RNF217: variants seen among roughly 807,000 people sequenced by gnomAD.
The protein encoded by RNF217 is ring finger protein 217, also known as E3 ubiquitin-protein ligase RNF217.
RNF217 carries 31 observed loss-of-function variants against 57.8 expected under a neutral mutation model. The ratio of observed to expected loss-of-function variants is 0.54; its 90% CI spans 0.40 to 0.72. RNF217 has a LOEUF of 0.72. Among genes scored for constraint, RNF217 ranks in the 30% least tolerant of loss-of-function variants. The pLI is 0.00. For missense variants in RNF217, 696 were observed against 708.3 expected (o/e 0.98, Z 0.20); for synonymous variants, 313 against 294.0 (o/e 1.06, Z -0.66).
intron 1 of RNF217, among the ~76,000 whole-genome samples, chr6:125,016,434 T>A (rs1484029107): frequency 6.6e-6 from 1 of 152,188 alleles, no homozygotes; most frequent in Non-Finnish European, 1.5e-5. Flanking sequence ...ATGAAATCAA[T>A]GTAATGGGTC....
intron 1 of RNF217, among the ~76,000 whole-genome samples, chr6:124,990,304 A>G (rs916906715): frequency 6.6e-6 from 1 of 151,986 alleles, no homozygotes; most frequent in African/African-American, 2.4e-5. Flanking sequence ...TATCTTATCC[A>G]ATTTCTGGTA....
rs566138609 is a variant in RNF217, at chr6:125,083,708, A to G, written c.*771A>G. 5 of 152,184 alleles carry G rather than the reference A, an allele frequency of 3.3e-5. No individual in the cohort carries two copies. Among genetic ancestry groups the G allele is most frequent in the Admixed American group, 2.6e-4 (4 of 15,262 alleles). 9.4% of individuals were successfully genotyped at this position (152,184 alleles called of 1,614,324 possible). On this transcript the variant is annotated 3_prime_UTR_variant, in exon 6 of 6. Coordinates refer to ENST00000521654, the MANE Select transcript of RNF217 (RefSeq NM_001286398.3). The stretch of plus-strand genomic sequence containing the variant: ...TTAGCAATGTATTAAATTAAAGTCA[A>G]TGTAGACAACAGGCCATTTCGATAC...
chr6:125,014,729 A>G (rs1199855358), intron 1 of RNF217, among the ~76,000 whole-genome samples: 2 of 152,184 alleles, frequency 1.3e-5, no homozygotes, highest in African/African-American at 4.8e-5. Flanking sequence ...TCATTCATTT[A>G]CCTGGGATAC....
chr6:125,013,210 G>T (rs961383918), intron 1 of RNF217, among the ~76,000 whole-genome samples: 1 of 152,020 alleles, frequency 6.6e-6, no homozygotes, highest in African/African-American at 2.4e-5. Context: ...TTATAATTTA[G>T]TGAGAAGAAA....
At chr6:125,053,151 G>A (rs750429258) in intron 2 of RNF217, among the ~76,000 whole-genome samples, 15 of 152,048 alleles carry the variant, frequency 9.9e-5, no homozygotes, top group East Asian at 3.9e-4. Context: ...CTCTCTGAAC[G>A]CTTATGTTCC....
At chr6:124,979,664 C>CCTTTATAAT (rs1784086389) in intron 1 of RNF217, among the ~76,000 whole-genome samples, 1 of 149,430 alleles carries the variant, frequency 6.7e-6, no homozygotes, top group African/African-American at 2.4e-5. Context: ...GTAATAGGGT[C>CCTTTATAAT]AGATAGTATA....
At chr6:125,015,393 G>A (rs1353262462) in intron 1 of RNF217, among the ~76,000 whole-genome samples, 1 of 152,014 alleles carries the variant, frequency 6.6e-6, no homozygotes, top group African/African-American at 2.4e-5. Flanking sequence ...AATCAGAAAT[G>A]CCCACAAACA....
At chr6:124,992,368 C>A (rs1784591543) in intron 1 of RNF217, among the ~76,000 whole-genome samples, 1 of 151,910 alleles carries the variant, frequency 6.6e-6, no homozygotes, top group South Asian at 2.1e-4. Flanking sequence ...CAAATGAAAA[C>A]TTGATAAATA....
intron 1 of RNF217, among the ~76,000 whole-genome samples, chr6:125,007,415 T>G (rs897768691): frequency 6.6e-6 from 1 of 152,064 alleles, no homozygotes; most frequent in Admixed American, 6.5e-5. Flanking sequence ...CCGGCTAATT[T>G]TTTGTATTTT....
At chr6:125,030,165 T>C (rs1052346912) in intron 1 of RNF217, among the ~76,000 whole-genome samples, 17 of 152,244 alleles carry the variant, frequency 1.1e-4, no homozygotes, top group African/African-American at 2.6e-4. Flanking sequence ...AAGACCAGCC[T>C]CCATGATTTA....
intron 3 of RNF217, among the ~76,000 whole-genome samples, chr6:125,064,662 T>G (rs1362134813): frequency 1.3e-5 from 2 of 152,174 alleles, no homozygotes; most frequent in African/African-American, 4.8e-5. Context: ...TGCATGCATT[T>G]AGATTTAAGA....
chr6:125,079,237 G>C (rs1056493298), intron 4 of RNF217, among the ~76,000 whole-genome samples: 2 of 152,122 alleles, frequency 1.3e-5, no homozygotes, highest in African/African-American at 4.8e-5. Flanking sequence ...AGTGAGGCGT[G>C]GGCAGATTAT....
intron 1 of RNF217, among the ~76,000 whole-genome samples, chr6:124,977,197 A>G (rs1418851974): frequency 6.6e-6 from 1 of 152,206 alleles, no homozygotes; most frequent in African/African-American, 2.4e-5. Flanking sequence ...TAGTTGCCAG[A>G]TTAACATCAG....
intron 1 of RNF217, among the ~76,000 whole-genome samples, chr6:125,033,642 C>A (rs1385643652): frequency 6.6e-6 from 1 of 151,698 alleles, no homozygotes; most frequent in Non-Finnish European, 1.5e-5. Flanking sequence ...GTGAATAGTG[C>A]CGCAATAAAC....
chr6:125,048,367 A>T, intron 2 of RNF217: 1 of 866,944 alleles, frequency 1.2e-6, no homozygotes, highest in Non-Finnish European at 1.7e-6. Flanking sequence ...AGTGAATTCA[A>T]GTACTCACAC....
intron 3 of RNF217, among the ~76,000 whole-genome samples, chr6:125,071,056 C>A (rs1328845056): frequency 1.3e-5 from 2 of 152,066 alleles, no homozygotes; most frequent in Non-Finnish European, 2.9e-5. Context: ...AAATAAAAGG[C>A]CACATTCCAG....
chr6:125,054,737 C>T (rs186785612), intron 2 of RNF217, among the ~76,000 whole-genome samples: 60 of 152,282 alleles, frequency 3.9e-4, no homozygotes, highest in African/African-American at 1.4e-3. Context: ...AGCAGTGCCT[C>T]TCAAACTTTA....
At chr6:124,998,885 A>C (rs902026424) in intron 1 of RNF217, among the ~76,000 whole-genome samples, 1 of 152,212 alleles carries the variant, frequency 6.6e-6, no homozygotes, top group Non-Finnish European at 1.5e-5. Context: ...CAAGGAATCT[A>C]TTCTCACTTT....
intron 1 of RNF217, among the ~76,000 whole-genome samples, chr6:124,973,093 A>ATTTTACATATT (rs1783821512): frequency 2.6e-5 from 4 of 152,242 alleles, no homozygotes; most frequent in African/African-American, 9.6e-5. Flanking sequence ...CTATTTGAAT[A>ATTTTACATATT]GATAGGCAAA....
Sources: gnomAD v4.1 joint callset for allele counts (sites outside exome capture counted in the v4.1 genomes callset) on GRCh38, gnomAD v4.1.1 for gene constraint, MANE v1.5 for transcripts, NCBI Gene and HGNC (gene_info 2026-07-23, HGNC 2026-07-21) for gene names.